The following PMF1 variants were observed in gnomAD, a reference collection of about 807,000 sequenced individuals.
The protein encoded by PMF1 is polyamine-modulated factor 1.
PMF1 carries 21 observed loss-of-function variants against 26.7 expected under a neutral mutation model. The ratio of observed to expected loss-of-function variants is 0.79; its 90% CI spans 0.56 to 1.13. The LOEUF is 1.13. PMF1 is among the 50% of genes most tolerant of loss of function. The pLI is 0.00. For missense variants in PMF1, 266 were observed against 254.9 expected (o/e 1.04, Z -0.30); for synonymous variants, 105 against 101.0 (o/e 1.04, Z -0.24).
intron 1 of PMF1, among the ~76,000 whole-genome samples, chr1:156,223,039 A>G (rs1658170806): frequency 6.6e-6 from 1 of 152,260 alleles, no homozygotes; most frequent in Non-Finnish European, 1.5e-5. Flanking sequence ...TATATAAACT[A>G]TTCTGACTAT....
intron 1 of PMF1, among the ~76,000 whole-genome samples, chr1:156,228,827 C>T (rs752416303): frequency 2.6e-5 from 4 of 152,182 alleles, no homozygotes; most frequent in African/African-American, 4.8e-5. Context: ...GCTAGTCAGG[C>T]CAGCAGCAAA....
In PMF1 at chr1:156,232,421, T is replaced by G; in HGVS notation, c.263T>G (p.Ile88Ser). ...DKFIAQLQTS[I>S]REEISDIKEE... ...TTTATAGCTCAGTTGCAGACATCTA[T>G]CCGGGTGAGTGGCGGGAAGCCTGGC... Residue 88 changes from isoleucine to serine, a missense_variant, in exon 2 of 5, where the codon ATC becomes AGC. Transcript: ENST00000368277. 6.2e-7 allele frequency: 1 copy of G among 1,613,808 alleles called. No homozygotes were observed. Among genetic ancestry groups the G allele is most frequent in the East Asian group, 2.2e-5 (1 of 44,876 alleles).
chr1:156,219,896 C>T (rs754022752), intron 1 of PMF1, among the ~76,000 whole-genome samples: 10 of 152,020 alleles, frequency 6.6e-5, no homozygotes, highest in Non-Finnish European at 7.4e-5. Flanking sequence ...ACTACAGGCA[C>T]ACACTACCAC....
chr1:156,229,071 G>T (rs1377053194), intron 1 of PMF1, among the ~76,000 whole-genome samples: 1 of 152,056 alleles, frequency 6.6e-6, no homozygotes, highest in Non-Finnish European at 1.5e-5. Flanking sequence ...ACCACGCCCA[G>T]CTAATTTTTT....
At chr1:156,225,308 T>A (rs2853647) in intron 1 of PMF1, among the ~76,000 whole-genome samples, 26,160 of 133,580 alleles carry the variant, frequency 0.2, 3,009 homozygotes, top group Non-Finnish European at 0.27. Flanking sequence ...TTTTTTTTTT[T>A]AATTTCAGTA....
In PMF1 at chr1:156,236,275, T is replaced by G. The variant is rs1216007981; in HGVS notation, c.369-13T>G. ...CGCCTCCTTCATTCCTTGTGCCCCG[T>G]GTGGCCCTCCAGGCGCCCCAGCGGG... is the stretch of plus-strand genomic sequence containing the variant. On this transcript the variant is annotated splice_polypyrimidine_tract_variant and intron_variant, in intron 3 of 4. Coordinates refer to ENST00000368277, the MANE Select transcript of PMF1 (RefSeq NM_007221.4). 3.1e-6 allele frequency: 5 copies of G among 1,600,882 alleles called. No individual in the cohort carries two copies. The highest frequency in any genetic ancestry group is 4.3e-6 in the Non-Finnish European group (5 of 1,169,384).
At chr1:156,233,523 G>C in intron 2 of PMF1, 105 bp from the exon 3 acceptor site, 1 of 1,132,376 alleles carries the variant, frequency 8.8e-7, no homozygotes, top group Non-Finnish European at 1.3e-6. Flanking sequence ...TAAAGACCTA[G>C]AACAGAAATT....
intron 1 of PMF1, among the ~76,000 whole-genome samples, chr1:156,216,517 T>C (rs1657713321): frequency 6.6e-6 from 1 of 152,146 alleles, no homozygotes; most frequent in Non-Finnish European, 1.5e-5. Context: ...GGCCTACCGG[T>C]GACCCGGCTA....
intron 4 of PMF1, chr1:156,237,389 C>G (rs1279108055): frequency 6.6e-6 from 1 of 151,468 alleles, no homozygotes; most frequent in Non-Finnish European, 1.5e-5. Context: ...TCATTCTACT[C>G]TTTACCTTTA....
chr1:156,219,967 C>CTT (rs796375492), intron 1 of PMF1, among the ~76,000 whole-genome samples: 1 of 127,322 alleles, frequency 7.9e-6, no homozygotes, highest in Non-Finnish European at 1.7e-5. Context: ...CCATGCTGGT[C>CTT]TTTTTTTTTT....
intron 1 of PMF1, among the ~76,000 whole-genome samples, chr1:156,227,504 A>ATT (rs966083200): frequency 7.2e-6 from 1 of 139,214 alleles, no homozygotes. Context: ...ATTTTATTTT[A>ATT]TTTTTTTTTT....
chr1:156,232,214 T>C, intron 1 of PMF1, 106 bp from the exon 2 acceptor site: 1 of 939,470 alleles, frequency 1.1e-6, no homozygotes, highest in South Asian at 1.4e-5. Context: ...GGCCATGAAG[T>C]GGACAGAGCT....
intron 3 of PMF1, 105 bp from the exon 4 acceptor site, chr1:156,236,183 T>A: frequency 6.7e-7 from 1 of 1,493,496 alleles, no homozygotes. Context: ...CCAGCCCAAC[T>A]TGGGACAAGG....
intron 1 of PMF1, among the ~76,000 whole-genome samples, chr1:156,217,860 T>C (rs1657862888): frequency 6.6e-6 from 1 of 152,200 alleles, no homozygotes; most frequent in Non-Finnish European, 1.5e-5. Flanking sequence ...TCCTCATCCA[T>C]AAATTATTCC....
At chr1:156,236,192 G>T (rs1382764770) in intron 3 of PMF1, 96 bp from the exon 4 acceptor site, 9 of 1,513,598 alleles carry the variant, frequency 5.9e-6, no homozygotes, top group Non-Finnish European at 3.6e-6. Context: ...CTTGGGACAA[G>T]GTGGGCATGT....
At position 156,222,937 on chromosome 1, in the gene PMF1, AAAAG is replaced by A. The variant is rs1360673621; in HGVS notation, c.162-9378_162-9375del. On this transcript the variant is annotated intron_variant, in intron 1 of 4. Transcript: ENST00000368277. ...AAGCCTACGTCTGGCAGTGACCAAG[AAAAG>A]AAAGCGAATTGCATTTGTAATGAAC... Among the ~76,000 whole-genome samples the A allele has an allele frequency of 1.2e-4, 19 of 152,362 alleles. No homozygotes were observed. In the East Asian group the frequency reaches 3.7e-3, roughly 29 times the overall value.
Position 156,233,630 on chromosome 1 carries a change from G to C in PMF1, c.270G>C (p.Glu90Asp), listed in dbSNP as rs1465617335. Residue 90 changes from glutamate (E) to aspartate (D), a missense_variant and splice_region_variant, in exon 3 of 5, where the codon GAG (glutamate) becomes GAC (aspartate). Transcript: ENST00000368277. ...FIAQLQTSIR[E>D]EISDIKEEGN... Reference sequence around the variant, plus strand: ...GCTCTTTCCTCCTTTCTCTTCAGGAGGAAATCTCTGACATCAAAGAGGAGG... The same window carrying C: ...GCTCTTTCCTCCTTTCTCTTCAGGACGAAATCTCTGACATCAAAGAGGAGG... 6.2e-7 allele frequency: 1 copy of C among 1,613,808 alleles called. No individual in the cohort carries two copies. The highest frequency in any genetic ancestry group is 1.1e-5 in the South Asian group (1 of 91,048).
intron 1 of PMF1, among the ~76,000 whole-genome samples, chr1:156,221,697 T>C (rs1247103170): frequency 6.6e-6 from 1 of 152,216 alleles, no homozygotes; most frequent in Non-Finnish European, 1.5e-5. Context: ...AAATCTCCAT[T>C]TGGTGTCCCA....
At chr1:156,227,143 C>T (rs556376314) in intron 1 of PMF1, among the ~76,000 whole-genome samples, 3 of 152,178 alleles carry the variant, frequency 2.0e-5, no homozygotes, top group Non-Finnish European at 2.9e-5. Flanking sequence ...CATCCTTGTC[C>T]ACAAGGATAT....
Sources: gnomAD v4.1 joint callset for allele counts (sites outside exome capture counted in the v4.1 genomes callset) on GRCh38, gnomAD v4.1.1 for gene constraint, MANE v1.5 for transcripts, NCBI Gene and HGNC (gene_info 2026-07-23, HGNC 2026-07-21) for gene names.